The following STX1A variants were observed in gnomAD, a reference collection of about 807,000 sequenced individuals.
STX1A encodes syntaxin 1A, also known as syntaxin-1A.
STX1A carries 4 observed loss-of-function variants against 37.8 expected under a neutral mutation model. The ratio of observed to expected loss-of-function variants is 0.11; its 90% CI spans 0.05 to 0.24. The LOEUF (loss-of-function observed/expected upper bound fraction) is 0.24. Ranked by LOEUF, STX1A falls within the 10% of genes least tolerant of loss-of-function variation. The pLI, the probability that STX1A is intolerant of heterozygous loss-of-function variation, is 1.00. For missense variants in STX1A, 251 were observed against 399.9 expected (o/e 0.63, Z 3.18); for synonymous variants, 135 against 147.4 (o/e 0.92, Z 0.61).
chr7:73,703,631 C>T, intron 7 of STX1A, 124 bp downstream of exon 7: 1 of 1,172,608 alleles, frequency 8.5e-7, no homozygotes. Flanking sequence ...GGGACTCTTC[C>T]TTCCCTAAAA....
rs782810999 is a variant in STX1A, at chr7:73,704,365, C to T, written c.342G>A (p.Arg114=). ...GTGGCCGCACCTGTGTCTTCCGGATCCTCAGGTCAGCGGAGGAGCGGTTCA... is the reference window on the plus strand; with the variant it reads ...GTGGCCGCACCTGTGTCTTCCGGATTCTCAGGTCAGCGGAGGAGCGGTTCA... The part of the protein sequence containing the change: ...EGLNRSSADL[R]IRKTQHSTLS... The change falls in exon 5 of 10, where the codon AGG becomes AGA. Residue 114 remains arginine (R), a synonymous_variant. Coordinates refer to ENST00000222812, the MANE Select transcript of STX1A (RefSeq NM_004603.4). 8 of 1,614,196 alleles carry T rather than the reference C, an allele frequency of 5.0e-6. No individual in the cohort carries two copies. The Admixed American group carries it at 1.3e-4, about 27-fold the overall frequency.
rs1025168062 is a variant in STX1A at position 73,703,827 on chromosome 7, G to A, written c.468C>T (p.Thr156=). The A allele has an allele frequency of 3.1e-6, 5 of 1,613,364 alleles. No homozygotes were observed. In the South Asian group the frequency reaches 3.3e-5, roughly 11 times the overall value. ...GCTCCTCACTGGTCGTGGTCCTGCCGGCTGCAAGCGAGTGGGGTCACACTG... is the reference window on the plus strand; with the variant it reads ...GCTCCTCACTGGTCGTGGTCCTGCCAGCTGCAAGCGAGTGGGGTCACACTG... ...KGRIQRQLEI[T]GRTTTSEELE... Residue 156 remains threonine (T), a splice_region_variant and synonymous_variant, in exon 7 of 10, where the codon ACC becomes ACT. Transcript: ENST00000222812.
At position 73,719,655 on chromosome 7, in the gene STX1A, C is replaced by G. The variant is rs1185175416; in HGVS notation, c.-24G>C. The G allele has an allele frequency of 8.5e-7, 1 of 1,180,636 alleles. No individual in the cohort carries two copies. Among genetic ancestry groups the G allele is most frequent in the Non-Finnish European group, 1.1e-6 (1 of 951,764 alleles). 73.1% of individuals were successfully genotyped at this position (1,180,636 alleles called of 1,614,324 possible). A position where few individuals can be genotyped will look rare whatever the true frequency, so the allele number is the denominator to read the frequency against. On this transcript the variant is annotated 5_prime_UTR_variant, in exon 1 of 10. Coordinates refer to ENST00000222812, the MANE Select transcript of STX1A (RefSeq NM_004603.4). ...ATGCTCCCGGGAGTGGCAGCGGCGC[C>G]GGCTGCAGCCGTGTGAGCCCCGCAT...
chr7:73,703,909 C>G, intron 6 of STX1A, 81 bp from the exon 7 acceptor site: 1 of 1,480,580 alleles, frequency 6.8e-7, no homozygotes, highest in African/African-American at 1.4e-5. Context: ...CCCTCCGTCC[C>G]AGGCCCGGGC....
intron 2 of STX1A, 142 bp from the exon 3 acceptor site, chr7:73,708,830 G>A (rs1305836836): frequency 1.6e-5 from 15 of 950,322 alleles, no homozygotes; most frequent in Non-Finnish European, 2.1e-5. Context: ...CAGTGGGGGT[G>A]CATCCTTCCA....
chr7:73,703,998 G>T (rs1584243092), intron 6 of STX1A, 150 bp downstream of exon 6: 1 of 221,130 alleles, frequency 4.5e-6, no homozygotes, highest in Non-Finnish European at 5.7e-6. Flanking sequence ...TCAGGCCCCC[G>T]CCCCTCCAGC....
chr7:73,707,027 C>T, intron 3 of STX1A, among the ~76,000 whole-genome samples: 1 of 152,166 alleles, frequency 6.6e-6, no homozygotes, highest in Admixed American at 6.5e-5. Flanking sequence ...AAAAGATTTA[C>T]TCTGGGTTCT....
In STX1A at chr7:73,705,372, G is replaced by GC. The variant is rs1231485476; in HGVS notation, c.209-149dup. On this transcript the variant is annotated intron_variant, in intron 3 of 9. Coordinates refer to ENST00000222812, the MANE Select transcript of STX1A (RefSeq NM_004603.4). The surrounding 1 kb of genome is among the most constrained non-coding windows in gnomAD (Gnocchi z 5.2). ...CCCCTGGCTAAGGCTCTGCCTGCCC[G>GC]CCCCCCTCCCCCAATTCTGGGCCAG... 8 of 647,944 alleles carry GC rather than the reference G, an allele frequency of 1.2e-5. No individual in the cohort carries two copies. Among genetic ancestry groups the GC allele is most frequent in the Non-Finnish European group, 1.9e-5 (7 of 370,174 alleles). The allele number at this position is 647,944 out of a possible 1,614,324, so 40.1% of individuals were successfully genotyped here. A position where few individuals can be genotyped will look rare whatever the true frequency, so the allele number is the denominator to read the frequency against.
At chr7:73,704,052 A>T in intron 6 of STX1A, 96 bp downstream of exon 6, 1 of 1,349,738 alleles carries the variant, frequency 7.4e-7, no homozygotes, top group Non-Finnish European at 9.9e-7. Context: ...TCGGGCCCCT[A>T]ACTAAGCAGC....
chr7:73,703,334 C>A (rs782575234), intron 7 of STX1A: 4 of 561,208 alleles, frequency 7.1e-6, no homozygotes, highest in African/African-American at 1.9e-5. Context: ...TCCCTTCCCC[C>A]ACATTGAATG....
At position 73,702,944 on chromosome 7, in the gene STX1A, G is replaced by A. The variant is rs1477266519; in HGVS notation, c.579C>T (p.Ser193=). Residue 193 remains serine (S), a synonymous_variant, in exon 8 of 10, where the codon AGC becomes AGT. Coordinates refer to ENST00000222812, the MANE Select transcript of STX1A (RefSeq NM_004603.4). This position sits in a 1 kb window ranked among gnomAD's most constrained non-coding sequence, Gnocchi z 4.7. ...MDSSISKQAL[S]EIETRHSEII... Reference sequence around the variant, plus strand: ...TCTCACTGTGCCGCGTCTCAATCTCGCTCAGAGCCTGCTTCGAGATGCTGG... The same window carrying A: ...TCTCACTGTGCCGCGTCTCAATCTCACTCAGAGCCTGCTTCGAGATGCTGG... The A allele has an allele frequency of 5.6e-6, 9 of 1,612,716 alleles. No homozygotes were observed. The highest frequency in any genetic ancestry group is 7.6e-6 in the Non-Finnish European group (9 of 1,179,758).
Position 73,705,244 on chromosome 7 carries a change from G to C in STX1A, c.209-20C>G, listed in dbSNP as rs782150079. 2.5e-6 allele frequency: 4 copies of C among 1,610,674 alleles called. No homozygotes were observed. The highest frequency in any genetic ancestry group is 1.7e-4 in the Middle Eastern group (1 of 6,014). On this transcript the variant is annotated intron_variant, in intron 3 of 9. Transcript: ENST00000222812. This position sits in a 1 kb window ranked among gnomAD's most constrained non-coding sequence, Gnocchi z 5.2. ...TCGTCTCTGGGGAGGTAGAAAGGGT[G>C]GGGGTAGGCCTCCTAGGCTCCGCGG...
intron 1 of STX1A, among the ~76,000 whole-genome samples, chr7:73,718,654 G>A (rs560921112): frequency 5.3e-5 from 8 of 151,876 alleles, no homozygotes; most frequent in Admixed American, 2.0e-4. Flanking sequence ...CTTCATTTCC[G>A]TCGCTGTCCT....
In STX1A at chr7:73,700,361, T is replaced by G. The variant is rs1554615635; in HGVS notation, c.*46A>C. 1.9e-6 allele frequency: 3 copies of G among 1,598,378 alleles called. No homozygotes were observed. Among genetic ancestry groups the G allele is most frequent in the Admixed American group, 1.7e-5 (1 of 59,924 alleles). ...CAGCCAGGTGGCAGCAGCCAGGGCCTCCTTGGAGTGGCCCACCTGGAGTGG... is the reference window on the plus strand; with the variant it reads ...CAGCCAGGTGGCAGCAGCCAGGGCCGCCTTGGAGTGGCCCACCTGGAGTGG... On this transcript the variant is annotated 3_prime_UTR_variant, in exon 10 of 10. Transcript: ENST00000222812. This position sits in a 1 kb window ranked among gnomAD's most constrained non-coding sequence, Gnocchi z 4.4.
chr7:73,715,512 AG>A (rs2116774273), intron 1 of STX1A, among the ~76,000 whole-genome samples: 1 of 152,182 alleles, frequency 6.6e-6, no homozygotes, highest in South Asian at 2.1e-4. Flanking sequence ...GGAGACTGCT[AG>A]GAAGAACAGA....
Position 73,699,695 on chromosome 7 carries a change from C to T in STX1A, c.*712G>A, listed in dbSNP as rs73362395. Reference sequence around the variant, plus strand: ...GAGGGACTGACTGCAGCCTGCTTTGCCTCCCTAGCTGCTGGGGTGGCTGGA... The same window carrying T: ...GAGGGACTGACTGCAGCCTGCTTTGTCTCCCTAGCTGCTGGGGTGGCTGGA... On this transcript the variant is annotated 3_prime_UTR_variant, in exon 10 of 10. Transcript: ENST00000222812. The T allele has an allele frequency of 3.9e-3, 595 of 153,054 alleles. 2 individuals are homozygous for T. The highest frequency in any genetic ancestry group is 0.014 in the African/African-American group (573 of 41,564). 9.5% of individuals were successfully genotyped at this position (153,054 alleles called of 1,614,324 possible).
At chr7:73,719,494 G>T in intron 1 of STX1A, 108 bp downstream of exon 1, 2 of 1,074,026 alleles carry the variant, frequency 1.9e-6, no homozygotes, top group Non-Finnish European at 2.3e-6. Flanking sequence ...CCCTGGCTGG[G>T]GGCGCAGGAG....
In STX1A at chr7:73,702,673, G is replaced by A; in HGVS notation, c.678+172C>T. On this transcript the variant is annotated intron_variant, in intron 8 of 9. Coordinates refer to ENST00000222812, the MANE Select transcript of STX1A (RefSeq NM_004603.4). This position sits in a 1 kb window ranked among gnomAD's most constrained non-coding sequence, Gnocchi z 4.7. ...CTCAAGCAGAGCCATGCAGAGGACAGGGACCTTCGGGTCGGCAGGGCCCTG... is the reference window on the plus strand; with the variant it reads ...CTCAAGCAGAGCCATGCAGAGGACAAGGACCTTCGGGTCGGCAGGGCCCTG... The A allele has an allele frequency of 5.4e-6, 8 of 1,481,248 alleles. No individual in the cohort carries two copies. Among genetic ancestry groups the A allele is most frequent in the Non-Finnish European group, 7.2e-6 (8 of 1,111,684 alleles). The allele number at this position is 1,481,248 out of a possible 1,614,324, so 91.8% of individuals were successfully genotyped here.
Position 73,704,422 on chromosome 7 carries a change from G to C in STX1A, c.285C>G (p.Ser95Arg). The C allele has an allele frequency of 6.2e-7, 1 of 1,614,164 alleles. No individual in the cohort carries two copies. The highest frequency in any genetic ancestry group is 8.5e-7 in the Non-Finnish European group (1 of 1,180,028). The stretch of plus-strand genomic sequence containing the variant: ...CCTCTTGCTCGATGGACTGCTCGAT[G>C]CCTGGGGGCACAGGTGGCTGCTAAG... ...TANKVRSKLK[S>R]IEQSIEQEEG... Residue 95 changes from serine (S) to arginine (R), a missense_variant and splice_region_variant, in exon 5 of 10, where the codon AGC becomes AGG. This residue lies in a region of STX1A where 214 missense variants were observed against 367.6 expected (regional missense o/e 0.58). Transcript: ENST00000222812.
Sources: gnomAD v4.1 joint callset for allele counts (sites outside exome capture counted in the v4.1 genomes callset) on GRCh38, gnomAD v4.1.1 for gene constraint, gnomAD v4.1.1 regional missense constraint, Gnocchi (gnomAD v3.1) non-coding constraint, MANE v1.5 for transcripts, NCBI Gene and HGNC (gene_info 2026-07-23, HGNC 2026-07-21) for gene names.